The following MTMR2 variants were observed in gnomAD, a reference collection of about 807,000 sequenced individuals.
MTMR2 encodes myotubularin related protein 2.
MTMR2 carries 55 observed loss-of-function variants against 86.9 expected under a neutral mutation model. That is an observed-to-expected ratio of 0.63 (90% CI 0.51 to 0.79). The LOEUF is 0.79. Ranked by LOEUF, MTMR2 falls within the 30% of genes least tolerant of loss-of-function variation. MTMR2 has a pLI of 0.00. For synonymous variants in MTMR2, 241 were observed against 266.8 expected (o/e 0.90, Z 0.94); for missense variants, 659 against 772.3 (o/e 0.85, Z 1.74).
intron 2 of MTMR2, among the ~76,000 whole-genome samples, chr11:95,881,808 T>G (rs1423504769): frequency 6.6e-6 from 1 of 152,188 alleles, no homozygotes; most frequent in Non-Finnish European, 1.5e-5. Flanking sequence ...TCTTGTATCA[T>G]TTATTATTTT....
At chr11:95,850,105 T>C (rs766607864) in intron 8 of MTMR2, among the ~76,000 whole-genome samples, 5 of 152,064 alleles carry the variant, frequency 3.3e-5, no homozygotes, top group Admixed American at 6.6e-5. Flanking sequence ...GGAAATGTTA[T>C]CTCCTGAAAA....
chr11:95,918,379 T>A (rs537086993), intron 1 of MTMR2, among the ~76,000 whole-genome samples: 1 of 152,188 alleles, frequency 6.6e-6, no homozygotes, highest in African/African-American at 2.4e-5. Context: ...AGACCAAACT[T>A]TGAGAACTAC....
chr11:95,844,143 CATTT>C (rs1384432556), intron 11 of MTMR2, among the ~76,000 whole-genome samples: 2 of 152,272 alleles, frequency 1.3e-5, no homozygotes, highest in South Asian at 2.1e-4. Flanking sequence ...ATTTTGAACA[CATTT>C]ATATAAACAT....
intron 1 of MTMR2, chr11:95,914,218 A>G: frequency 1.0e-6 from 1 of 967,238 alleles, no homozygotes; most frequent in Non-Finnish European, 1.2e-6. Flanking sequence ...CCATTTTTAT[A>G]TCTGCATTTT....
At chr11:95,859,563 A>G (rs554608585) in intron 5 of MTMR2, among the ~76,000 whole-genome samples, 6 of 152,326 alleles carry the variant, frequency 3.9e-5, no homozygotes, top group African/African-American at 1.4e-4. Flanking sequence ...GTTCTTATCT[A>G]CCGACATTCT....
intron 1 of MTMR2, among the ~76,000 whole-genome samples, chr11:95,896,935 T>G (rs925042143): frequency 1.3e-5 from 2 of 150,978 alleles, no homozygotes; most frequent in Non-Finnish European, 3.0e-5. Flanking sequence ...TGGGAACTGG[T>G]TTTTGACTAT....
chr11:95,862,238 T>G lies in MTMR2; in HGVS notation c.357+34A>C, dbSNP rs1217095805. The G allele has an allele frequency of 1.9e-6, 3 of 1,561,974 alleles. No homozygotes were observed. In the South Asian group the frequency reaches 3.3e-5, roughly 17 times the overall value. On this transcript the variant is annotated intron_variant, in intron 4 of 14. Transcript: ENST00000346299. ...ACAAAACTAGCTACAAACAACACACTCATGTACATACAAAAATCTAATCTG... is the reference window on the plus strand; with the variant it reads ...ACAAAACTAGCTACAAACAACACACGCATGTACATACAAAAATCTAATCTG...
At chr11:95,916,598 A>G (rs1866718279) in intron 1 of MTMR2, among the ~76,000 whole-genome samples, 1 of 152,086 alleles carries the variant, frequency 6.6e-6, no homozygotes, top group Admixed American at 6.5e-5. Flanking sequence ...CATCTCCTAT[A>G]TTAAGCCACT....
intron 9 of MTMR2, among the ~76,000 whole-genome samples, chr11:95,848,230 C>T (rs924335446): frequency 6.6e-6 from 1 of 152,182 alleles, no homozygotes; most frequent in Non-Finnish European, 1.5e-5. Flanking sequence ...TAAGTTCTTA[C>T]AGATGACTTC....
At chr11:95,922,079 T>C (rs976616125) in intron 1 of MTMR2, among the ~76,000 whole-genome samples, 2 of 152,236 alleles carry the variant, frequency 1.3e-5, no homozygotes, top group African/African-American at 4.8e-5. Flanking sequence ...CATCTTAGTA[T>C]TGTCATTAAA....
At chr11:95,845,212 T>C in intron 10 of MTMR2, 53 bp from the exon 11 acceptor site, 1 of 1,462,124 alleles carries the variant, frequency 6.8e-7, no homozygotes, top group South Asian at 1.2e-5. Flanking sequence ...AATACTTCCT[T>C]CTTCAAAATT....
At position 95,833,697 on chromosome 11, in the gene MTMR2, T is replaced by A. The variant is rs1381437713; in HGVS notation, c.*1593A>T. ...TGGTATCAGGCCAAGATAACCAAGG[T>A]TTAAATGAGGAAAATGGCAGATGCG... On this transcript the variant is annotated 3_prime_UTR_variant, in exon 15 of 15. Coordinates refer to ENST00000346299, the MANE Select transcript of MTMR2 (RefSeq NM_016156.6). The A allele has an allele frequency of 2.6e-5, 4 of 152,106 alleles. No individual in the cohort carries two copies. Among genetic ancestry groups the A allele is most frequent in the Admixed American group, 2.6e-4 (4 of 15,250 alleles). 9.4% of individuals were successfully genotyped at this position (152,106 alleles called of 1,614,324 possible).
rs141310653 is a variant in MTMR2 at position 95,865,336 on chromosome 11, CT to C, written c.262+264del. On this transcript the variant is annotated intron_variant, in intron 3 of 14. Coordinates refer to ENST00000346299, the MANE Select transcript of MTMR2 (RefSeq NM_016156.6). ...AACAGTTTTAGCAAAAATCCACCTA[CT>C]TTTAAAGAAAGTAAAACAAACCAGA... 478 of 438,880 alleles carry C rather than the reference CT, an allele frequency of 1.1e-3. 3 individuals are homozygous for C. Among genetic ancestry groups the C allele is most frequent in the African/African-American group, 8.3e-3 (424 of 51,120 alleles). 27.2% of individuals were successfully genotyped at this position (438,880 alleles called of 1,614,324 possible). A position where few individuals can be genotyped will look rare whatever the true frequency, so the allele number is the denominator to read the frequency against.
intron 1 of MTMR2, among the ~76,000 whole-genome samples, chr11:95,904,904 T>C (rs1436192105): frequency 1.3e-5 from 2 of 152,150 alleles, no homozygotes; most frequent in Non-Finnish European, 2.9e-5. Context: ...TCACTTCTCA[T>C]TCTTTCCTAA....
chr11:95,849,306 T>C (rs1863923459), intron 9 of MTMR2, among the ~76,000 whole-genome samples: 1 of 152,100 alleles, frequency 6.6e-6, no homozygotes, highest in Admixed American at 6.6e-5. Flanking sequence ...AGAGCAGTAC[T>C]ATACAGGGAC....
At chr11:95,868,777 G>T (rs564426526) in intron 2 of MTMR2, among the ~76,000 whole-genome samples, 1 of 151,914 alleles carries the variant, frequency 6.6e-6, no homozygotes, top group South Asian at 2.1e-4. Context: ...TACCTTTGAA[G>T]AAAGCAAAAT....
At position 95,890,937 on chromosome 11, in the gene MTMR2, G is replaced by A. The variant is rs184797593; in HGVS notation, c.81-2676C>T. On this transcript the variant is annotated intron_variant, in intron 1 of 14. Transcript: ENST00000346299. ...ATGAACTTAAATTTTTTAAATCACT[G>A]TAATAGAGTCTGTTCTAGACAGTCA... is the stretch of plus-strand genomic sequence containing the variant. Among the ~76,000 whole-genome samples the A allele has an allele frequency of 3.3e-3, 496 of 152,220 alleles. 1 individual carries two copies. The highest frequency in any genetic ancestry group is 6.1e-3 in the Non-Finnish European group (412 of 68,002).
chr11:95,850,887 T>C, intron 7 of MTMR2, 138 bp from the exon 8 acceptor site: 1 of 812,346 alleles, frequency 1.2e-6, no homozygotes, highest in Non-Finnish European at 2.0e-6. Flanking sequence ...GTTGTCAGCC[T>C]GTGGTATCAG....
At chr11:95,917,813 T>C (rs58340134) in intron 1 of MTMR2, among the ~76,000 whole-genome samples, 2,334 of 152,284 alleles carry the variant, frequency 0.015, 61 homozygotes, top group African/African-American at 0.054. Flanking sequence ...GGGTTGGTCT[T>C]GCTGTGTCAG....
Sources: allele counts gnomAD v4.1 joint callset (sites outside exome capture counted in the v4.1 genomes callset), GRCh38; gene constraint gnomAD v4.1.1; transcripts MANE v1.5; gene names NCBI Gene and HGNC (gene_info 2026-07-23, HGNC 2026-07-21).